Variants in RASGEF1C observed in about 807,000 individuals in gnomAD.
RASGEF1C encodes the protein RasGEF domain family member 1C.
A neutral mutation model predicts 58.1 loss-of-function variants in RASGEF1C; 27 were observed. The ratio of observed to expected loss-of-function variants is 0.46; its 90% CI spans 0.34 to 0.64. The LOEUF (loss-of-function observed/expected upper bound fraction) is 0.64. RASGEF1C is among the 30% of genes least tolerant of loss of function. The probability of loss-of-function intolerance (pLI) is 0.01; values close to 1 mark genes in which losing one functional copy is unlikely to be tolerated. For synonymous variants in RASGEF1C, 243 were observed against 246.3 expected (o/e 0.99, Z 0.13); for missense variants, 502 against 605.1 (o/e 0.83, Z 1.79).
chr5:180,114,988 G>T (rs1766038668), intron 10 of RASGEF1C, among the ~76,000 whole-genome samples: 1 of 152,174 alleles, frequency 6.6e-6, no homozygotes, highest in Non-Finnish European at 1.5e-5. Context: ...ACATGGAATA[G>T]ATGTGCATCA....
At chr5:180,110,949 G>A (rs1765949926) in intron 12 of RASGEF1C, among the ~76,000 whole-genome samples, 1 of 152,122 alleles carries the variant, frequency 6.6e-6, no homozygotes, top group Non-Finnish European at 1.5e-5. Flanking sequence ...CTGAGTAGCT[G>A]GGATTACAGG....
intron 12 of RASGEF1C, among the ~76,000 whole-genome samples, chr5:180,105,727 G>A (rs1250321428): frequency 6.6e-6 from 1 of 152,100 alleles, no homozygotes; most frequent in Non-Finnish European, 1.5e-5. Flanking sequence ...AATTAGCTGG[G>A]CGTGGTGGCT....
intron 1 of RASGEF1C, among the ~76,000 whole-genome samples, chr5:180,174,752 C>T (rs960149010): frequency 3.3e-5 from 5 of 152,146 alleles, no homozygotes; most frequent in Admixed American, 6.5e-5. Context: ...AGACAGCATG[C>T]GCACAGATCG....
intron 12 of RASGEF1C, among the ~76,000 whole-genome samples, chr5:180,102,939 T>TA (rs1765814048): frequency 6.6e-6 from 1 of 152,244 alleles, no homozygotes; most frequent in Non-Finnish European, 1.5e-5. Flanking sequence ...ACAAAGAGTC[T>TA]TGCTGGGATT....
chr5:180,128,345 G>C lies in RASGEF1C; in HGVS notation c.639+65C>G, dbSNP rs1766299432. On this transcript the variant is annotated intron_variant, in intron 5 of 13. Coordinates refer to ENST00000361132, the MANE Select transcript of RASGEF1C (RefSeq NM_175062.4). ...GGGGCTGCTCTGGGAAGCCAGGGAG[G>C]GCACAGTGTATCTGTGTGTGTCCTG... 11 of 1,427,784 alleles carry C rather than the reference G, an allele frequency of 7.7e-6. No individual in the cohort carries two copies. In the South Asian group the frequency reaches 1.1e-4, roughly 15 times the overall value. The allele number at this position is 1,427,784 out of a possible 1,614,324, so 88.4% of individuals were successfully genotyped here.
At chr5:180,108,712 T>G (rs1213690240) in intron 12 of RASGEF1C, among the ~76,000 whole-genome samples, 2 of 152,356 alleles carry the variant, frequency 1.3e-5, no homozygotes, top group East Asian at 1.9e-4. Context: ...TTTCTATATT[T>G]TCATTTGCTT....
intron 12 of RASGEF1C, among the ~76,000 whole-genome samples, chr5:180,102,451 A>G (rs999325342): frequency 6.6e-6 from 1 of 152,248 alleles, no homozygotes; most frequent in African/African-American, 2.4e-5. Flanking sequence ...ATTTGGAATA[A>G]GAAACTCTTT....
intron 10 of RASGEF1C, 143 bp downstream of exon 10, chr5:180,118,465 TC>T: frequency 1.4e-6 from 1 of 721,194 alleles, no homozygotes; most frequent in Non-Finnish European, 2.3e-6. Context: ...GGTGGTGAGT[TC>T]CCCACGCTGG....
chr5:180,138,089 G>C (rs749872737), intron 1 of RASGEF1C, 31 bp from the exon 2 acceptor site: 13 of 1,351,750 alleles, frequency 9.6e-6, no homozygotes, highest in Non-Finnish European at 1.3e-5. Context: ...GAGGACCTGA[G>C]TGGGGGCACA....
chr5:180,119,218 G>T (rs1019356905), intron 8 of RASGEF1C, 128 bp downstream of exon 8: 19 of 811,740 alleles, frequency 2.3e-5, no homozygotes, highest in Non-Finnish European at 3.2e-5. Context: ...CCTTCAGAGA[G>T]CCCGGCCCAC....
Position 180,198,132 on chromosome 5 carries a change from G to A in RASGEF1C, c.-7+10896C>T, listed in dbSNP as rs1756313125. ...GGCGTGGCAGTTTGGGGCACCATTG[G>A]TGGCAGGACCCTGGGCAGTAAGGCC... On this transcript the variant is annotated intron_variant, in intron 1 of 13. Transcript: ENST00000361132. This position sits in a 1 kb window ranked among gnomAD's most constrained non-coding sequence, Gnocchi z 4.5. 6.6e-6 allele frequency among the ~76,000 whole-genome samples: 1 copy of A among 152,222 alleles called. No homozygotes were observed. Among genetic ancestry groups the A allele is most frequent in the Non-Finnish European group, 1.5e-5 (1 of 68,050 alleles).
At chr5:180,184,150 C>T (rs1013705559) in intron 1 of RASGEF1C, among the ~76,000 whole-genome samples, 16 of 149,996 alleles carry the variant, frequency 1.1e-4, no homozygotes, top group South Asian at 2.1e-4. Flanking sequence ...GGCAACAGAG[C>T]GAGACTCCAT....
At chr5:180,189,289 C>T (rs781257246) in intron 1 of RASGEF1C, among the ~76,000 whole-genome samples, 11 of 152,224 alleles carry the variant, frequency 7.2e-5, no homozygotes, top group South Asian at 2.1e-4. Flanking sequence ...AAATTAAACA[C>T]GTAAGTAAGT....
chr5:180,127,708 T>G lies in RASGEF1C; in HGVS notation c.640-25A>C, dbSNP rs777657478. 7.5e-6 allele frequency: 12 copies of G among 1,605,578 alleles called. No individual in the cohort carries two copies. In the African/African-American group the frequency reaches 1.3e-4, roughly 18 times the overall value. On this transcript the variant is annotated intron_variant, in intron 5 of 13. Transcript: ENST00000361132. ...CCTGCAGGGAAGGGTGAAGAGTGGG[T>G]AAAAGAGGGAAGGTATGGGGAGGGG...
In RASGEF1C at chr5:180,197,368, T is replaced by C. The variant is rs1384981053; in HGVS notation, c.-7+11660A>G. On this transcript the variant is annotated intron_variant, in intron 1 of 13. Transcript: ENST00000361132. The surrounding 1 kb of genome is among the most constrained non-coding windows in gnomAD (Gnocchi z 4.7). ...TGGCCTCTTGACAGTGGACCCAGGCTGGACAGAGAAGGCCTGGGGGTTAAC... is the reference window on the plus strand; with the variant it reads ...TGGCCTCTTGACAGTGGACCCAGGCCGGACAGAGAAGGCCTGGGGGTTAAC... 2.0e-5 allele frequency among the ~76,000 whole-genome samples: 3 copies of C among 152,150 alleles called. No homozygotes were observed. Among genetic ancestry groups the C allele is most frequent in the African/African-American group, 7.2e-5 (3 of 41,430 alleles).
intron 6 of RASGEF1C, among the ~76,000 whole-genome samples, chr5:180,124,507 G>A (rs1465345802): frequency 6.6e-6 from 1 of 152,172 alleles, no homozygotes; most frequent in Non-Finnish European, 1.5e-5. Flanking sequence ...GTTTATCTCA[G>A]AAATGCAAAG....
intron 4 of RASGEF1C, among the ~76,000 whole-genome samples, chr5:180,129,312 G>A (rs893583861): frequency 2.0e-5 from 3 of 152,212 alleles, no homozygotes; most frequent in African/African-American, 4.8e-5. Context: ...CGGCTAACCA[G>A]TGGGCGCCTT....
At chr5:180,207,966 T>C (rs897704057) in intron 1 of RASGEF1C, among the ~76,000 whole-genome samples, 25 of 152,142 alleles carry the variant, frequency 1.6e-4, no homozygotes, top group African/African-American at 6.0e-4. Context: ...GCCTTTGATT[T>C]CTTGTTTGGT....
chr5:180,175,976 G>A (rs1254257886), intron 1 of RASGEF1C, among the ~76,000 whole-genome samples: 1 of 152,156 alleles, frequency 6.6e-6, no homozygotes, highest in East Asian at 1.9e-4. Context: ...CGACAGAGCG[G>A]GACTCCGTCT....
Sources: allele counts gnomAD v4.1 joint callset (sites outside exome capture counted in the v4.1 genomes callset), GRCh38; gene constraint gnomAD v4.1.1; non-coding constraint Gnocchi (gnomAD v3.1); transcripts MANE v1.5; gene names NCBI Gene and HGNC (gene_info 2026-07-23, HGNC 2026-07-21).